Variants in FAM153A observed in about 807,000 individuals in gnomAD.
FAM153A encodes protein FAM153A.
A neutral mutation model predicts 48.1 loss-of-function variants in FAM153A; 12 were observed. The observed-to-expected ratio is 0.25, with a 90% confidence interval of 0.16 to 0.40. The LOEUF is 0.40. FAM153A is among the 10% of genes least tolerant of loss of function. FAM153A has a pLI of 1.00. For missense variants in FAM153A, 111 were observed against 345.8 expected, an observed-to-expected ratio of 0.32 and a Z score of 5.38; for synonymous variants, 36 against 118.2, an observed-to-expected ratio of 0.30 and a Z score of 4.51.
At chr5:177,754,063 G>C (rs1435177007), upstream of FAM153A, among the ~76,000 whole-genome samples, 2 of 152,010 alleles carry the variant, frequency 1.3e-5, no homozygotes, top group East Asian at 3.9e-4. Context: ...GAAGTGCAAA[G>C]GGTCAGGGAA....
At chr5:177,782,960 C>A (rs1324111654), upstream of FAM153A, 1 of 94,702 alleles carries the variant, frequency 1.1e-5, no homozygotes, top group Non-Finnish European at 2.2e-5. Flanking sequence ...CGGCCCACCC[C>A]GCCTTAAGGG....
At chr5:177,717,809 G>T (rs1384515622), downstream of FAM153A, among the ~76,000 whole-genome samples, 1 of 97,530 alleles carries the variant, frequency 1.0e-5, no homozygotes, top group Non-Finnish European at 2.0e-5. Flanking sequence ...GTCAGGAGAA[G>T]AAAAAAGCAA....
Position 177,714,503 on chromosome 5 carries a change from T to G in FAM153A, c.*1223-587A>C, listed in dbSNP as rs1363435817. Among the ~76,000 whole-genome samples, 5 of 132,152 alleles carry G rather than the reference T, an allele frequency of 3.8e-5. No homozygotes were observed. In the Admixed American group the frequency reaches 3.9e-4, roughly 10 times the overall value. 86.7% of individuals were successfully genotyped at this position (132,152 alleles called of 152,430 possible). ...ATGAGTTCTATTATTATAGTAATACTTCTGAATTCCCTTTTAAAATATTGT... is the reference window on the plus strand; with the variant it reads ...ATGAGTTCTATTATTATAGTAATACGTCTGAATTCCCTTTTAAAATATTGT... On this transcript the variant is annotated intron_variant and NMD_transcript_variant, in intron 25 of 26. Transcript: ENST00000360669.
In FAM153A at chr5:177,714,003, T is replaced by G. The variant is rs530973716; in HGVS notation, c.*1223-87A>C. 3 of 152,030 alleles carry G rather than the reference T, an allele frequency of 2.0e-5. No individual in the cohort carries two copies. In the South Asian group the frequency reaches 6.2e-4, roughly 32 times the overall value. 9.4% of individuals were successfully genotyped at this position (152,030 alleles called of 1,614,324 possible). On this transcript the variant is annotated intron_variant and NMD_transcript_variant, in intron 25 of 26. Transcript: ENST00000360669. ...AAAAATCCTTAACCAAAACATTTCA[T>G]AAGACCGATGTATTCTATCAACAGT...
rs1252024492 is a variant in FAM153A at position 177,758,950 on chromosome 5, A to G, written c.-56-10251T>C. Among the ~76,000 whole-genome samples, 18 of 151,866 alleles carry G rather than the reference A, an allele frequency of 1.2e-4. No homozygotes were observed. In the East Asian group the frequency reaches 2.5e-3, roughly 21 times the overall value. On this transcript the variant is annotated intron_variant, in intron 1 of 8. Transcript: ENST00000393518. ...CATGTCTAAAACACCAAAAGCAATG[A>G]CAATGAAAGCCAAAATTAACAAATG...
downstream of FAM153A, among the ~76,000 whole-genome samples, chr5:177,708,564 C>A (rs572853952): frequency 2.0e-5 from 3 of 151,358 alleles, no homozygotes; most frequent in Non-Finnish European, 4.4e-5. Flanking sequence ...GCAACAAGAG[C>A]GAAACTCAGT....
At chr5:177,749,854 G>A (rs1010258543) in intron 2 of FAM153A, among the ~76,000 whole-genome samples, 5 of 140,364 alleles carry the variant, frequency 3.6e-5, no homozygotes, top group African/African-American at 1.3e-4. Flanking sequence ...CTAACACAAT[G>A]GAAAACATAG....
chr5:177,781,809 C>G (rs1404415695), upstream of FAM153A: 2 of 97,250 alleles, frequency 2.1e-5, 1 homozygote, highest in African/African-American at 7.5e-5. Context: ...AGCTGCGCCT[C>G]CCGGGTTCAC....
chr5:177,759,076 C>T (rs1030173562), intron 1 of FAM153A, among the ~76,000 whole-genome samples: 13 of 151,808 alleles, frequency 8.6e-5, no homozygotes, highest in Non-Finnish European at 2.9e-5. Flanking sequence ...AATCTACTCA[C>T]CTGATAAAGG....
exon 27 of FAM153A, chr5:177,712,252 A>T (rs1582133029): frequency 6.6e-6 from 1 of 151,824 alleles, no homozygotes; most frequent in African/African-American, 2.4e-5. Context: ...TGGGCAGATC[A>T]CCTGAGGTCA....
chr5:177,723,059 C>T (rs1236917020), downstream of FAM153A: 1 of 144,464 alleles, frequency 6.9e-6, no homozygotes, highest in African/African-American at 2.5e-5. Flanking sequence ...AAGAGCTGCA[C>T]GTTGAACATG....
At chr5:177,697,749 T>C in the FAM153A span, among the ~76,000 whole-genome samples, 2 of 151,784 alleles carry the variant, frequency 1.3e-5, no homozygotes, top group Admixed American at 6.6e-5. Context: ...ACTGTAAATT[T>C]ATAGAATGTA....
chr5:177,699,959 C>CA, the FAM153A span, among the ~76,000 whole-genome samples: 1 of 151,384 alleles, frequency 6.6e-6, no homozygotes, highest in South Asian at 2.1e-4. Flanking sequence ...AAATCCTTAA[C>CA]AAAAGCCTAG....
At chr5:177,714,353 ATTC>A (rs1208327037) in intron 25 of FAM153A, among the ~76,000 whole-genome samples, 3 of 151,886 alleles carry the variant, frequency 2.0e-5, no homozygotes, top group African/African-American at 7.3e-5. Context: ...TAAGTGTTAA[ATTC>A]TTCTTTTGAG....
chr5:177,713,500 G>C lies in FAM153A; in HGVS notation c.*1391+248C>G, dbSNP rs1430142969. On this transcript the variant is annotated intron_variant and NMD_transcript_variant, in intron 26 of 26. Coordinates refer to the FAM153A transcript ENST00000360669. ...TCTCGATCTCCTGACCTCGTGATCC[G>C]CCCACCTCAGCCTCCCAAAGTGCTG... 2.6e-5 allele frequency among the ~76,000 whole-genome samples: 4 copies of C among 151,192 alleles called. 1 individual carries two copies. Among genetic ancestry groups the C allele is most frequent in the African/African-American group, 9.8e-5 (4 of 40,836 alleles).
Position 177,771,647 on chromosome 5 carries a change from T to C in FAM153A, c.-57+8802A>G, listed in dbSNP as rs535876026. On this transcript the variant is annotated intron_variant, in intron 1 of 8. Transcript: ENST00000393518. ...GTTTAGGAAATTGGAATTGGGAGGGTTCCCACCATGCCCTAAGACTGGTCA... is the reference window on the plus strand; with the variant it reads ...GTTTAGGAAATTGGAATTGGGAGGGCTCCCACCATGCCCTAAGACTGGTCA... 8.3e-3 allele frequency among the ~76,000 whole-genome samples: 788 copies of C among 94,816 alleles called. 280 individuals carry two copies. Among genetic ancestry groups the C allele is most frequent in the African/African-American group, 0.031 (738 of 23,666 alleles). 62.2% of individuals were successfully genotyped at this position (94,816 alleles called of 152,430 possible).
downstream of FAM153A, among the ~76,000 whole-genome samples, chr5:177,707,523 TGAAA>T (rs1198067540): frequency 2.0e-5 from 3 of 151,904 alleles, no homozygotes; most frequent in East Asian, 1.9e-4. Flanking sequence ...AAAGATACAA[TGAAA>T]GAAACATTTT....
At chr5:177,713,430 T>G (rs992106154) in intron 26 of FAM153A, among the ~76,000 whole-genome samples, 3 of 151,208 alleles carry the variant, frequency 2.0e-5, no homozygotes, top group African/African-American at 4.9e-5. Flanking sequence ...TTTTTTTTTT[T>G]GTATTTTTAG....
intron 25 of FAM153A, among the ~76,000 whole-genome samples, chr5:177,714,920 C>CA (rs1759340151): frequency 8.9e-6 from 1 of 111,966 alleles, no homozygotes; most frequent in African/African-American, 3.3e-5. Flanking sequence ...ACAGATGCAA[C>CA]CATCCTTTTT....
Sources: allele counts gnomAD v4.1 joint callset (sites outside exome capture counted in the v4.1 genomes callset), GRCh38; gene constraint gnomAD v4.1.1; transcripts MANE v1.5; gene names NCBI Gene and HGNC (gene_info 2026-07-23, HGNC 2026-07-21).